The following RASGRF2 variants were observed in gnomAD, a reference collection of about 807,000 sequenced individuals.
RASGRF2 encodes the protein ras-specific guanine nucleotide-releasing factor 2.
A neutral mutation model predicts 151.0 loss-of-function variants in RASGRF2; 76 were observed. The ratio of observed to expected loss-of-function variants is 0.50; its 90% CI spans 0.42 to 0.61. RASGRF2 has a LOEUF of 0.61. RASGRF2 is among the 20% of genes least tolerant of loss of function. RASGRF2 has a pLI of 0.00. For missense variants in RASGRF2, 1,148 were observed against 1,564.6 expected (o/e 0.73, Z 4.49); for synonymous variants, 504 against 566.5 (o/e 0.89, Z 1.57).
Position 81,053,956 on chromosome 5 carries a change from C to T in RASGRF2, c.395+10973C>T, listed in dbSNP as rs561353250. ...GAAGTGTCTGTTCATATCCTTCACC[C>T]ACTTGTTGATGGGGTTGTTTGTTTT... On this transcript the variant is annotated intron_variant, in intron 2 of 26. Transcript: ENST00000265080. Among the ~76,000 whole-genome samples, 5 of 152,310 alleles carry T rather than the reference C, an allele frequency of 3.3e-5. 1 individual carries two copies. In the East Asian group the frequency reaches 9.6e-4, roughly 29 times the overall value.
At chr5:81,119,397 A>G (rs771199745) in intron 15 of RASGRF2, among the ~76,000 whole-genome samples, 4 of 152,230 alleles carry the variant, frequency 2.6e-5, no homozygotes, top group Non-Finnish European at 5.9e-5. Context: ...AACTCATTCT[A>G]TTCCCAAGAT....
intron 9 of RASGRF2, among the ~76,000 whole-genome samples, chr5:81,092,568 G>A (rs1449657101): frequency 6.6e-6 from 1 of 152,174 alleles, no homozygotes; most frequent in African/African-American, 2.4e-5. Flanking sequence ...GTTTATAGAT[G>A]AAGAATCAAG....
intron 22 of RASGRF2, among the ~76,000 whole-genome samples, chr5:81,209,840 G>A (rs994627543): frequency 1.2e-4 from 18 of 152,184 alleles, no homozygotes; most frequent in Admixed American, 7.9e-4. Context: ...CCCCAGAGCC[G>A]CCAAGCCTGC....
intron 17 of RASGRF2, among the ~76,000 whole-genome samples, chr5:81,156,715 C>G (rs1171412552): frequency 6.6e-6 from 1 of 152,206 alleles, no homozygotes; most frequent in Non-Finnish European, 1.5e-5. Context: ...CTGCAGTTAA[C>G]ATACATAGTG....
intron 17 of RASGRF2, among the ~76,000 whole-genome samples, chr5:81,157,850 C>T (rs936964602): frequency 6.6e-6 from 1 of 152,192 alleles, no homozygotes; most frequent in Non-Finnish European, 1.5e-5. Flanking sequence ...TTATCTCCCA[C>T]CAGGTCCCTC....
intron 22 of RASGRF2, among the ~76,000 whole-genome samples, chr5:81,208,829 G>A (rs999081098): frequency 3.3e-5 from 5 of 152,076 alleles, no homozygotes; most frequent in Non-Finnish European, 7.4e-5. Context: ...GGGATTACAG[G>A]CGTGAGCCAC....
chr5:80,973,375 C>G (rs1200670979), intron 1 of RASGRF2, among the ~76,000 whole-genome samples: 3 of 152,176 alleles, frequency 2.0e-5, no homozygotes, highest in Non-Finnish European at 2.9e-5. Flanking sequence ...GAGGTCTTCC[C>G]TCCTCGGGTG....
At chr5:81,166,094 G>A (rs1419208046) in intron 17 of RASGRF2, among the ~76,000 whole-genome samples, 1 of 152,144 alleles carries the variant, frequency 6.6e-6, no homozygotes, top group Admixed American at 6.5e-5. Flanking sequence ...AATTGGTGTT[G>A]CCTGACTTTA....
chr5:81,162,656 GT>G (rs1183211993), intron 17 of RASGRF2, among the ~76,000 whole-genome samples: 2 of 152,172 alleles, frequency 1.3e-5, no homozygotes, highest in East Asian at 3.9e-4. Flanking sequence ...GGAATGTGCT[GT>G]TTTAATTGAG....
chr5:81,212,840 T>C (rs1354430038), intron 23 of RASGRF2, among the ~76,000 whole-genome samples: 1 of 152,138 alleles, frequency 6.6e-6, no homozygotes, highest in South Asian at 2.1e-4. Flanking sequence ...GGAGGGTACA[T>C]TGATTTTGAG....
chr5:81,169,991 C>T (rs573420114), intron 17 of RASGRF2, among the ~76,000 whole-genome samples: 1 of 25,492 alleles, frequency 3.9e-5, no homozygotes, highest in Admixed American at 5.1e-4. Context: ...ACCCATACCA[C>T]CTGCATCACC....
chr5:80,971,879 T>TTTTTA (rs1351042907), intron 1 of RASGRF2, among the ~76,000 whole-genome samples: 115 of 151,814 alleles, frequency 7.6e-4, no homozygotes, highest in African/African-American at 2.6e-3. Flanking sequence ...CCCCAGCTAA[T>TTTTTA]TTTTATTTTA....
At position 81,110,504 on chromosome 5, in the gene RASGRF2, G is replaced by A. The variant is rs552057167; in HGVS notation, c.1838+1426G>A. ...TCAGTTTTATTTTAATTTCATGCTG[G>A]CTTCAACACATTTTTTGTCCTAGTG... On this transcript the variant is annotated intron_variant, in intron 13 of 26. Transcript: ENST00000265080. 2.8e-3 allele frequency among the ~76,000 whole-genome samples: 426 copies of A among 152,218 alleles called. 1 individual carries two copies. Among genetic ancestry groups the A allele is most frequent in the African/African-American group, 1.0e-2 (415 of 41,528 alleles).
chr5:81,115,620 A>T (rs1753130372), intron 15 of RASGRF2, among the ~76,000 whole-genome samples: 1 of 152,092 alleles, frequency 6.6e-6, no homozygotes, highest in South Asian at 2.1e-4. Flanking sequence ...ATTTTGTTTT[A>T]TTTTGTTTTT....
At chr5:81,140,592 G>C (rs1753862688) in intron 17 of RASGRF2, among the ~76,000 whole-genome samples, 1 of 152,124 alleles carries the variant, frequency 6.6e-6, no homozygotes, top group Admixed American at 6.6e-5. Context: ...TCTCTTCCTG[G>C]AAACATGCCA....
chr5:81,174,317 A>G (rs930075757), intron 17 of RASGRF2, among the ~76,000 whole-genome samples: 1 of 152,250 alleles, frequency 6.6e-6, no homozygotes, highest in Non-Finnish European at 1.5e-5. Flanking sequence ...CATGTCTAAT[A>G]GGAAGTTTGA....
At chr5:81,187,817 T>C (rs766608919) in intron 18 of RASGRF2, among the ~76,000 whole-genome samples, 10 of 152,226 alleles carry the variant, frequency 6.6e-5, no homozygotes, top group African/African-American at 9.6e-5. Flanking sequence ...CTCTTCCGTT[T>C]CTTATTTTGA....
intron 17 of RASGRF2, among the ~76,000 whole-genome samples, chr5:81,169,837 A>AC (rs1484727697): frequency 4.6e-5 from 7 of 151,590 alleles, no homozygotes; most frequent in African/African-American, 1.7e-4. Flanking sequence ...CACCTGCATC[A>AC]CTTGCATCAC....
chr5:81,094,292 C>G lies in RASGRF2; in HGVS notation c.1552-4C>G. 1 of 1,612,712 alleles carries G rather than the reference C, an allele frequency of 6.2e-7. No homozygotes were observed. The highest frequency in any genetic ancestry group is 8.5e-7 in the Non-Finnish European group (1 of 1,179,426). On this transcript the variant is annotated splice_region_variant and splice_polypyrimidine_tract_variant and intron_variant, in intron 10 of 26. Transcript: ENST00000265080. ...GTCTTAGTGAAAAATTGGTTTGTTTCCAGACAGGTGGGGTTCTGTCTCTAA... is the reference window on the plus strand; with the variant it reads ...GTCTTAGTGAAAAATTGGTTTGTTTGCAGACAGGTGGGGTTCTGTCTCTAA...
Sources: allele counts gnomAD v4.1 joint callset (sites outside exome capture counted in the v4.1 genomes callset), GRCh38; gene constraint gnomAD v4.1.1; transcripts MANE v1.5; gene names NCBI Gene and HGNC (gene_info 2026-07-23, HGNC 2026-07-21).